CCDC171: variants seen among roughly 807,000 people sequenced by gnomAD.
CCDC171 encodes the protein coiled-coil domain-containing protein 171.
Under a neutral mutation model 168.2 loss-of-function variants are expected in CCDC171, and 177 were observed. That is an observed-to-expected ratio of 1.05 (90% CI 0.93 to 1.19). CCDC171 has a LOEUF of 1.19. CCDC171 is among the 50% of genes most tolerant of loss of function. CCDC171 has a pLI of 0.00. For missense variants in CCDC171, 1,991 were observed against 1,539.0 expected (o/e 1.29, Z -4.91); for synonymous variants, 687 against 540.8 (o/e 1.27, Z -3.75).
chr9:16,080,020 C>T, the CCDC171 span, among the ~76,000 whole-genome samples: 10 of 152,180 alleles, frequency 6.6e-5, no homozygotes, highest in Admixed American at 2.6e-4. Context: ...TGGGGCACTT[C>T]TCATGGCATC....
rs149834092 is a variant in CCDC171 at position 15,861,913 on chromosome 9, G to T, written c.3469-12619G>T. Reference sequence around the variant, plus strand: ...TGAAGAACTGCCTTTAGCGCTCCTTGTAAGGCAAGTCTGTTAGTGATGAAC... The same window carrying T: ...TGAAGAACTGCCTTTAGCGCTCCTTTTAAGGCAAGTCTGTTAGTGATGAAC... On this transcript the variant is annotated intron_variant, in intron 23 of 25. Transcript: ENST00000380701. Among the ~76,000 whole-genome samples, 445 of 152,024 alleles carry T rather than the reference G, an allele frequency of 2.9e-3. 1 individual carries two copies. Among genetic ancestry groups the T allele is most frequent in the Admixed American group, 7.6e-3 (116 of 15,240 alleles).
intron 1 of CCDC171, among the ~76,000 whole-genome samples, chr9:15,556,149 T>G (rs1448189688): frequency 6.6e-6 from 1 of 152,184 alleles, no homozygotes; most frequent in Non-Finnish European, 1.5e-5. Context: ...AACATATGTG[T>G]GCATGTGTCT....
chr9:15,931,059 ATC>A (rs1261061780), intron 25 of CCDC171, among the ~76,000 whole-genome samples: 3 of 151,662 alleles, frequency 2.0e-5, no homozygotes, highest in Non-Finnish European at 4.4e-5. Flanking sequence ...GAGTGCAGCT[ATC>A]TCTTTGACCT....
At chr9:15,848,973 TTC>T (rs770112127) in intron 23 of CCDC171, 26 bp downstream of exon 23, 1 of 1,328,932 alleles carries the variant, frequency 7.5e-7, no homozygotes, top group South Asian at 1.4e-5. Context: ...TTTAATATTG[TTC>T]AATTTGTGTC....
rs186132342 is a variant in CCDC171 at position 15,577,309 on chromosome 9, T to C, written c.178-1540T>C. Among the ~76,000 whole-genome samples, 8 of 152,352 alleles carry C rather than the reference T, an allele frequency of 5.3e-5. No individual in the cohort carries two copies. In the East Asian group the frequency reaches 1.4e-3, roughly 26 times the overall value. ...TATCATTTTGTGTTTGTAAATTCTC[T>C]AGTATAGTGAGATTTACCCTTTCTA... On this transcript the variant is annotated intron_variant, in intron 3 of 25. Transcript: ENST00000380701.
chr9:16,031,649 A>T (rs1475090853), intron 6 of CCDC171, among the ~76,000 whole-genome samples: 2 of 152,336 alleles, frequency 1.3e-5, no homozygotes, highest in African/African-American at 4.8e-5. Flanking sequence ...TGAATTCCTT[A>T]TGGGCCCCCT....
rs443563 is a variant in CCDC171 at position 15,571,632 on chromosome 9, T to G, written c.50T>G (p.Ile17Ser). 28 of 1,551,608 alleles carry G rather than the reference T, an allele frequency of 1.8e-5. No individual in the cohort carries two copies. Among genetic ancestry groups the G allele is most frequent in the Middle Eastern group, 1.7e-4 (1 of 5,914 alleles). Residue 17 changes from isoleucine to serine, a missense_variant, in exon 3 of 26, where the codon ATT (isoleucine) becomes AGT (serine). Physicochemically the swap from Ile to Ser is moderately radical, Grantham distance 142. Transcript: ENST00000380701. ...SNTGDTQRLK[I>S]ASLDVKQILK... Reference sequence around the variant, plus strand: ...GTAATCTCATTTTAAAGGTTGAAGATTGCCTCATTGGATGTAAAACAAATA... The same window carrying G: ...GTAATCTCATTTTAAAGGTTGAAGAGTGCCTCATTGGATGTAAAACAAATA...
chr9:15,565,759 T>C (rs2039680567), intron 2 of CCDC171, among the ~76,000 whole-genome samples: 1 of 152,226 alleles, frequency 6.6e-6, no homozygotes, highest in Non-Finnish European at 1.5e-5. Context: ...CATCTGCCAG[T>C]TGACAGACAT....
intron 11 of CCDC171, among the ~76,000 whole-genome samples, chr9:15,720,427 C>T (rs2053403061): frequency 6.6e-6 from 1 of 152,036 alleles, no homozygotes; most frequent in African/African-American, 2.4e-5. Context: ...TCTTTGTATG[C>T]ATAATGCCTA....
intron 7 of CCDC171, among the ~76,000 whole-genome samples, chr9:15,648,936 C>G (rs1303172197): frequency 6.6e-6 from 1 of 152,188 alleles, no homozygotes; most frequent in Non-Finnish European, 1.5e-5. Flanking sequence ...GACCGCATTG[C>G]CAAGACAATC....
rs563486757 is a variant in CCDC171 at position 15,912,230 on chromosome 9, G to A, written c.3601-8040G>A. ...TGTGTCCTTTCTTATTTCCTTGAGCGGTGGTTTGTAGTTCTCCTTGAAGAG... is the reference window on the plus strand; with the variant it reads ...TGTGTCCTTTCTTATTTCCTTGAGCAGTGGTTTGTAGTTCTCCTTGAAGAG... On this transcript the variant is annotated intron_variant, in intron 24 of 25. Coordinates refer to ENST00000380701, the MANE Select transcript of CCDC171 (RefSeq NM_173550.4). 4.2e-4 allele frequency among the ~76,000 whole-genome samples: 64 copies of A among 152,116 alleles called. 1 individual carries two copies. The highest frequency in any genetic ancestry group is 1.0e-3 in the Admixed American group (16 of 15,262).
chr9:15,755,253 A>G (rs569660474), intron 18 of CCDC171, among the ~76,000 whole-genome samples: 1 of 152,240 alleles, frequency 6.6e-6, no homozygotes, highest in South Asian at 2.1e-4. Flanking sequence ...CTCTACTTTC[A>G]GGCATTAGGA....
chr9:15,569,043 C>G (rs1373916656), intron 2 of CCDC171, among the ~76,000 whole-genome samples: 1 of 152,162 alleles, frequency 6.6e-6, no homozygotes, highest in East Asian at 1.9e-4. Flanking sequence ...ATTTGTTAGT[C>G]TTTTGTATAA....
At chr9:15,575,115 A>G (rs945868708) in intron 3 of CCDC171, among the ~76,000 whole-genome samples, 1 of 151,438 alleles carries the variant, frequency 6.6e-6, no homozygotes, top group Non-Finnish European at 1.5e-5. Context: ...GAAAATCCAG[A>G]TAAATTAGAA....
intron 18 of CCDC171, among the ~76,000 whole-genome samples, chr9:15,762,674 A>G (rs1300969808): frequency 3.3e-5 from 5 of 152,208 alleles, no homozygotes; most frequent in African/African-American, 2.4e-5. Flanking sequence ...TACAATTTAC[A>G]TGCAATAAAA....
rs113514312 is a variant in CCDC171, at chr9:15,643,733, C to A, written c.823-13394C>A. ...GCAGCTACTGCCCTTTTCGTTCTCT[C>A]CTTCTTCCCTATCCTCCTGCAACCA... On this transcript the variant is annotated intron_variant, in intron 7 of 25. Coordinates refer to ENST00000380701, the MANE Select transcript of CCDC171 (RefSeq NM_173550.4). Among the ~76,000 whole-genome samples, 9 of 152,330 alleles carry A rather than the reference C, an allele frequency of 5.9e-5. 1 individual carries two copies. Among genetic ancestry groups the A allele is most frequent in the African/African-American group, 2.2e-4 (9 of 41,572 alleles).
rs190948469 is a variant in CCDC171, at chr9:15,711,814, C to G, written c.1319-9955C>G. Among the ~76,000 whole-genome samples the G allele has an allele frequency of 3.0e-3, 451 of 152,322 alleles. 5 individuals carry two copies. Among genetic ancestry groups the G allele is most frequent in the African/African-American group, 0.01 (426 of 41,572 alleles). ...ATTGTAAGTTGAGGCTGTCTGTACT[C>G]TGTACTTAGTCCTTCTTTTTCTATC... On this transcript the variant is annotated intron_variant, in intron 11 of 25. Transcript: ENST00000380701.
chr9:16,047,687 G>C (rs553739354), intron 1 of CCDC171, among the ~76,000 whole-genome samples: 1 of 152,244 alleles, frequency 6.6e-6, no homozygotes. Flanking sequence ...TCAGGAGCAC[G>C]TGGATTTGAA....
At chr9:15,568,214 G>A (rs907708618) in intron 2 of CCDC171, among the ~76,000 whole-genome samples, 1 of 150,138 alleles carries the variant, frequency 6.7e-6, no homozygotes, top group Non-Finnish European at 1.5e-5. Context: ...CAGTATGCAT[G>A]CCTTTTATTT....
Sources: gnomAD v4.1 joint callset for allele counts (sites outside exome capture counted in the v4.1 genomes callset) on GRCh38, gnomAD v4.1.1 for gene constraint, MANE v1.5 for transcripts, NCBI Gene and HGNC (gene_info 2026-07-23, HGNC 2026-07-21) for gene names.